PLEKHA2: variants seen among roughly 807,000 people sequenced by gnomAD.
PLEKHA2 encodes pleckstrin homology domain-containing family A member 2.
In PLEKHA2, 28 loss-of-function variants were observed where a neutral mutation model predicts 53.2. The ratio of observed to expected loss-of-function variants is 0.53; its 90% confidence interval spans 0.39 to 0.72. PLEKHA2 has a LOEUF of 0.72. Among genes scored for constraint, PLEKHA2 ranks in the 30% least tolerant of loss-of-function variants. The pLI, the probability that PLEKHA2 is intolerant of heterozygous loss-of-function variation, is 0.00. For missense variants in PLEKHA2, 426 were observed against 537.9 expected (o/e 0.79, Z 2.06); for synonymous variants, 193 against 196.4 (o/e 0.98, Z 0.14).
rs554182886 is a variant in PLEKHA2, at chr8:38,921,948, G to A, written c.141+3878G>A. On this transcript the variant is annotated intron_variant, in intron 2 of 11. Coordinates refer to ENST00000617275, the MANE Select transcript of PLEKHA2 (RefSeq NM_021623.2). The stretch of plus-strand genomic sequence containing the variant: ...TCAGTTAAGTTCTAAAATGGTATTA[G>A]TGAGCATTTATTACTGTGTGCCAAG... Among the ~76,000 whole-genome samples the A allele has an allele frequency of 2.6e-5, 4 of 152,368 alleles. No homozygotes were observed. In the South Asian group the frequency reaches 8.3e-4, roughly 32 times the overall value.
intron 3 of PLEKHA2, among the ~76,000 whole-genome samples, chr8:38,937,550 C>G (rs762847114): frequency 6.6e-6 from 1 of 152,050 alleles, no homozygotes; most frequent in African/African-American, 2.4e-5. Context: ...CCTGCTGAAT[C>G]ATGATTTATA....
At chr8:38,948,749 C>T (rs1009161763) in intron 5 of PLEKHA2, among the ~76,000 whole-genome samples, 1 of 152,192 alleles carries the variant, frequency 6.6e-6, no homozygotes, top group Non-Finnish European at 1.5e-5. Flanking sequence ...TAGCTTTTCT[C>T]TCGAAGTCCC....
intron 1 of PLEKHA2, among the ~76,000 whole-genome samples, chr8:38,911,821 A>T (rs1024653117): frequency 6.6e-6 from 1 of 152,138 alleles, no homozygotes; most frequent in Middle Eastern, 3.4e-3. Context: ...ACGAAGAATT[A>T]AAAAATTAGC....
chr8:38,966,414 TA>T (rs1283502129), intron 10 of PLEKHA2, among the ~76,000 whole-genome samples: 1 of 152,082 alleles, frequency 6.6e-6, no homozygotes. Flanking sequence ...GTGGGACTGT[TA>T]GGGGATGATG....
In PLEKHA2 at chr8:38,959,092, C is replaced by T. The variant is rs1478382554; in HGVS notation, c.837+1706C>T. Among the ~76,000 whole-genome samples the T allele has an allele frequency of 5.3e-5, 8 of 151,798 alleles. No homozygotes were observed. In the East Asian group the frequency reaches 5.8e-4, roughly 11 times the overall value. On this transcript the variant is annotated intron_variant, in intron 10 of 11. Transcript: ENST00000617275. ...AGGAAATGCAGAATGTGACAGTAATCGAAATGTATTACAGGTCCTCCCTGA... is the reference window on the plus strand; with the variant it reads ...AGGAAATGCAGAATGTGACAGTAATTGAAATGTATTACAGGTCCTCCCTGA...
intron 10 of PLEKHA2, among the ~76,000 whole-genome samples, chr8:38,961,721 C>CT (rs1339024603): frequency 6.6e-6 from 1 of 152,130 alleles, no homozygotes; most frequent in Non-Finnish European, 1.5e-5. Context: ...TCCTGAGTAT[C>CT]TAAGAGAGCT....
chr8:38,953,460 C>A, intron 9 of PLEKHA2, 93 bp downstream of exon 9: 1 of 1,231,630 alleles, frequency 8.1e-7, no homozygotes, highest in South Asian at 1.2e-5. Context: ...ATGCAAGAGT[C>A]ATCTTCTTCC....
chr8:38,928,537 C>A (rs191617590), intron 2 of PLEKHA2, among the ~76,000 whole-genome samples: 105 of 151,954 alleles, frequency 6.9e-4, no homozygotes, highest in Non-Finnish European at 1.2e-3. Context: ...GCATGAATCA[C>A]CGCGCCCGGC....
At chr8:38,919,520 TGGCTCTAGTTCCGA>T (rs1834141022) in intron 2 of PLEKHA2, among the ~76,000 whole-genome samples, 1 of 152,204 alleles carries the variant, frequency 6.6e-6, no homozygotes, top group Non-Finnish European at 1.5e-5. Flanking sequence ...ATCTGGGATT[TGGCTCTAGTTCCGA>T]GGCTTGGGAA....
chr8:38,917,029 T>G lies in PLEKHA2; in HGVS notation c.-23-878T>G, dbSNP rs149630397. On this transcript the variant is annotated intron_variant, in intron 1 of 11. Coordinates refer to ENST00000617275, the MANE Select transcript of PLEKHA2 (RefSeq NM_021623.2). Reference sequence around the variant, plus strand: ...TGCATTTCTCTGGTGATCAATGATGTCGAGCACCTTTTCATGTGCCTGTTT... The same window carrying G: ...TGCATTTCTCTGGTGATCAATGATGGCGAGCACCTTTTCATGTGCCTGTTT... Among the ~76,000 whole-genome samples the G allele has an allele frequency of 1.6e-3, 248 of 152,376 alleles. 1 individual carries two copies. Among genetic ancestry groups the G allele is most frequent in the African/African-American group, 5.8e-3 (242 of 41,592 alleles).
At chr8:38,935,905 A>T in intron 2 of PLEKHA2, 89 bp from the exon 3 acceptor site, 2 of 1,238,568 alleles carry the variant, frequency 1.6e-6, no homozygotes, top group Non-Finnish European at 2.4e-6. Context: ...TTGCCAGGAA[A>T]GTGGCATAAA....
chr8:38,918,081 C>T lies in PLEKHA2; in HGVS notation c.141+11C>T. On this transcript the variant is annotated intron_variant, in intron 2 of 11. Transcript: ENST00000617275. ...ATGGACAACCCCCAGGTGAGAGGGTCAGTGGGAAGGGGTGGGGCGACTGGG... is the reference window on the plus strand; with the variant it reads ...ATGGACAACCCCCAGGTGAGAGGGTTAGTGGGAAGGGGTGGGGCGACTGGG... 1 of 1,611,076 alleles carries T rather than the reference C, an allele frequency of 6.2e-7. No homozygotes were observed. The highest frequency in any genetic ancestry group is 1.1e-5 in the South Asian group (1 of 90,628).
At chr8:38,939,356 AG>A (rs1251152210) in intron 3 of PLEKHA2, among the ~76,000 whole-genome samples, 1 of 152,116 alleles carries the variant, frequency 6.6e-6, no homozygotes, top group Non-Finnish European at 1.5e-5. Flanking sequence ...TTACCCTTGC[AG>A]TGAGCCAATC....
intron 11 of PLEKHA2, among the ~76,000 whole-genome samples, 163 bp from the exon 12 acceptor site, chr8:38,969,258 A>G (rs1835196891): frequency 1.3e-5 from 2 of 152,092 alleles, no homozygotes; most frequent in African/African-American, 4.8e-5. Flanking sequence ...ACGTTGACAC[A>G]TTTGGAGTGA....
chr8:38,968,850 T>C, intron 11 of PLEKHA2, 181 bp downstream of exon 11: 1 of 579,770 alleles, frequency 1.7e-6, no homozygotes, highest in East Asian at 2.9e-5. Flanking sequence ...TTTTCTCTGT[T>C]TGGTTGTGGG....
intron 2 of PLEKHA2, among the ~76,000 whole-genome samples, chr8:38,927,950 G>C (rs1044407385): frequency 5.9e-5 from 9 of 151,866 alleles, no homozygotes; most frequent in African/African-American, 9.7e-5. Context: ...AATGGAGAGT[G>C]GGGGGGCAGG....
chr8:38,907,664 G>A (rs762615641), intron 1 of PLEKHA2, among the ~76,000 whole-genome samples: 2 of 151,876 alleles, frequency 1.3e-5, no homozygotes, highest in Non-Finnish European at 2.9e-5. Context: ...AGGAGGCTGA[G>A]GTGGGAGGAT....
chr8:38,962,502 T>A (rs1185996442), intron 10 of PLEKHA2, among the ~76,000 whole-genome samples: 1 of 152,118 alleles, frequency 6.6e-6, no homozygotes, highest in Non-Finnish European at 1.5e-5. Flanking sequence ...AAATCCAAGA[T>A]CTGGAAATAA....
intron 1 of PLEKHA2, among the ~76,000 whole-genome samples, chr8:38,912,869 G>A (rs1833974660): frequency 6.6e-6 from 1 of 152,134 alleles, no homozygotes; most frequent in Non-Finnish European, 1.5e-5. Context: ...TTCCTGATGA[G>A]CTCTGTGACT....
Sources: gnomAD v4.1 joint callset for allele counts (sites outside exome capture counted in the v4.1 genomes callset) on GRCh38, gnomAD v4.1.1 for gene constraint, MANE v1.5 for transcripts, NCBI Gene and HGNC (gene_info 2026-07-23, HGNC 2026-07-21) for gene names.